Variants in MAP3K13 observed in about 807,000 individuals in gnomAD.
MAP3K13 encodes the protein mitogen-activated protein kinase kinase kinase 13.
In MAP3K13, 52 loss-of-function variants were observed where a neutral mutation model predicts 104.0. That is an observed-to-expected ratio of 0.50 (90% CI 0.40 to 0.63). The LOEUF is 0.63. Among genes scored for constraint, MAP3K13 ranks in the 20% least tolerant of loss-of-function variants. The pLI, the probability that MAP3K13 is intolerant of heterozygous loss-of-function variation, is 0.00. For synonymous variants in MAP3K13, 394 were observed against 442.2 expected (o/e 0.89, Z 1.37); for missense variants, 914 against 1,218.5 (o/e 0.75, Z 3.72).
intron 2 of MAP3K13, among the ~76,000 whole-genome samples, chr3:185,311,766 A>T (rs991993116): frequency 1.3e-5 from 2 of 152,210 alleles, no homozygotes; most frequent in Non-Finnish European, 2.9e-5. Context: ...GTTTTAGAAA[A>T]TATGGTAGTC....
At chr3:185,474,783 TCAGA>T (rs1248787711) in intron 11 of MAP3K13, among the ~76,000 whole-genome samples, 2 of 151,754 alleles carry the variant, frequency 1.3e-5, no homozygotes, top group East Asian at 3.9e-4. Flanking sequence ...AGCCTAGGAG[TCAGA>T]CAGACCTTAC....
intron 2 of MAP3K13, among the ~76,000 whole-genome samples, chr3:185,314,893 G>A (rs1473718378): frequency 6.6e-6 from 1 of 152,030 alleles, no homozygotes; most frequent in African/African-American, 2.4e-5. Flanking sequence ...CTCCCATCTC[G>A]GCCTCCCATA....
At chr3:185,291,554 C>T in intron 2 of MAP3K13, 7 of 1,431,694 alleles carry the variant, frequency 4.9e-6, no homozygotes, top group African/African-American at 1.5e-5. Context: ...TTTTAATTTC[C>T]CTTAAAAAAA....
rs189427333 is a variant in MAP3K13, at chr3:185,368,851, C to T, written c.-86+5483C>T. On this transcript the variant is annotated intron_variant, in intron 1 of 13. Coordinates refer to ENST00000265026, the MANE Select transcript of MAP3K13 (RefSeq NM_004721.5). Reference sequence around the variant, plus strand: ...GTGCATGCCTGTAATCCCAGCTACTCGGGAGGCTGAGGCAGAAGAATCACT... The same window carrying T: ...GTGCATGCCTGTAATCCCAGCTACTTGGGAGGCTGAGGCAGAAGAATCACT... Among the ~76,000 whole-genome samples, 81 of 151,682 alleles carry T rather than the reference C, an allele frequency of 5.3e-4. No homozygotes were observed. In the East Asian group the frequency reaches 0.012, roughly 23 times the overall value.
chr3:185,449,371 TAAAAAAAAAAAAAAA>T (rs61621090), intron 5 of MAP3K13, among the ~76,000 whole-genome samples: 1 of 80,774 alleles, frequency 1.2e-5, no homozygotes, highest in African/African-American at 4.8e-5. Context: ...AGATGCTGTC[TAAAAAAAAAAAAAAA>T]AAAAAAAAGT....
chr3:185,480,241 C>A lies in MAP3K13; in HGVS notation c.2511C>A (p.Arg837=). The A allele has an allele frequency of 6.2e-7, 1 of 1,613,872 alleles. No homozygotes were observed. Among genetic ancestry groups the A allele is most frequent in the Non-Finnish European group, 8.5e-7 (1 of 1,179,900 alleles). Residue 837 remains arginine (R), a synonymous_variant, in exon 13 of 14, where the codon CGC becomes CGA. Coordinates refer to ENST00000265026, the MANE Select transcript of MAP3K13 (RefSeq NM_004721.5). ...TTCTTCTTGGTTCTAGGCCCCATCG[C>A]TGTATCAGCAGCTGCCAGTCATATT... ...VEFPRRQRPH[R]CISSCQSYST... is the part of the protein sequence containing the mutation.
In MAP3K13 at chr3:185,451,347, C is replaced by G. The variant is rs769001923; in HGVS notation, c.1230C>G (p.Ala410=). Residue 410 remains alanine (A), a synonymous_variant, in exon 7 of 14, where the codon GCC becomes GCG. Coordinates refer to ENST00000265026, the MANE Select transcript of MAP3K13 (RefSeq NM_004721.5). ...AGACACTCATGCATTTAGACATTGC[C>G]TCTGCAGATGTACTTGCCACCCCAC... The part of the protein sequence containing the change: ...FRQTLMHLDI[A]SADVLATPQE... The G allele has an allele frequency of 6.2e-6, 10 of 1,613,828 alleles. No individual in the cohort carries two copies. In the Middle Eastern group the frequency reaches 9.9e-4, roughly 160 times the overall value.
intron 2 of MAP3K13, among the ~76,000 whole-genome samples, chr3:185,353,998 G>T (rs1017101199): frequency 1.3e-5 from 2 of 152,106 alleles, no homozygotes; most frequent in Non-Finnish European, 2.9e-5. Flanking sequence ...AGAGCAAACT[G>T]CAGCATTAGA....
At chr3:185,292,082 A>G in intron 2 of MAP3K13, 1 of 780,422 alleles carries the variant, frequency 1.3e-6, no homozygotes, top group Non-Finnish European at 1.6e-6. Flanking sequence ...AGGCAGCTGG[A>G]TGCCCCAAGG....
chr3:185,283,125 G>A (rs571736076), intron 1 of MAP3K13: 4 of 152,998 alleles, frequency 2.6e-5, no homozygotes, highest in African/African-American at 9.6e-5. Flanking sequence ...CACAGGTTAG[G>A]TAATGGACAG....
At chr3:185,322,136 T>C (rs1721893984) in intron 2 of MAP3K13, among the ~76,000 whole-genome samples, 1 of 152,230 alleles carries the variant, frequency 6.6e-6, no homozygotes, top group Non-Finnish European at 1.5e-5. Flanking sequence ...TTTTCCCCTA[T>C]ATAAAGTTGA....
In MAP3K13 at chr3:185,418,852, A is replaced by G; in HGVS notation, c.-85-9645A>G. ...AGGAAAAGCATGTTCTTGTCTTTTC[A>G]TCTGTTTTGGGTTTCAGTTCTCTTA... On this transcript the variant is annotated intron_variant, in intron 1 of 13. Coordinates refer to ENST00000265026, the MANE Select transcript of MAP3K13 (RefSeq NM_004721.5). The surrounding 1 kb of genome is among the most constrained non-coding windows in gnomAD (Gnocchi z 4.5). The G allele has an allele frequency of 6.8e-7, 1 of 1,470,556 alleles. No individual in the cohort carries two copies. Among genetic ancestry groups the G allele is most frequent in the South Asian group, 1.3e-5 (1 of 75,742 alleles). 91.1% of individuals were successfully genotyped at this position (1,470,556 alleles called of 1,614,324 possible). A position where few individuals can be genotyped will look rare whatever the true frequency, so the allele number is the denominator to read the frequency against.
intron 2 of MAP3K13, among the ~76,000 whole-genome samples, chr3:185,330,997 C>T (rs1280781294): frequency 7.2e-5 from 11 of 152,224 alleles, no homozygotes; most frequent in African/African-American, 1.9e-4. Flanking sequence ...ATTCAAATAG[C>T]TCCTCCTCAG....
At chr3:185,329,149 G>A in intron 2 of MAP3K13, 11 of 693,754 alleles carry the variant, frequency 1.6e-5, no homozygotes, top group South Asian at 1.5e-4. Flanking sequence ...AGAAAGCCGT[G>A]AGGTGTATCA....
intron 7 of MAP3K13, among the ~76,000 whole-genome samples, chr3:185,461,591 T>G (rs1717106585): frequency 6.6e-6 from 1 of 152,174 alleles, no homozygotes; most frequent in Non-Finnish European, 1.5e-5. Flanking sequence ...AGATGGAGTT[T>G]CGCTCTTGTT....
rs1292581143 is a variant in MAP3K13, at chr3:185,488,967, T to C, written c.*6511T>C. ...TACCTGGCTCCCCTCTGGTCTCCTGTACTGTCAGTCCCCAGCTCCCAGTGT... is the reference window on the plus strand; with the variant it reads ...TACCTGGCTCCCCTCTGGTCTCCTGCACTGTCAGTCCCCAGCTCCCAGTGT... On this transcript the variant is annotated 3_prime_UTR_variant, in exon 14 of 14. Coordinates refer to ENST00000265026, the MANE Select transcript of MAP3K13 (RefSeq NM_004721.5). The C allele has an allele frequency of 6.6e-6, 1 of 152,272 alleles. No homozygotes were observed. Among genetic ancestry groups the C allele is most frequent in the East Asian group, 1.9e-4 (1 of 5,200 alleles). 9.4% of individuals were successfully genotyped at this position (152,272 alleles called of 1,614,324 possible).
intron 2 of MAP3K13, among the ~76,000 whole-genome samples, chr3:185,325,761 T>C (rs1577426118): frequency 6.6e-6 from 1 of 152,180 alleles, no homozygotes; most frequent in Non-Finnish European, 1.5e-5. Context: ...TCCCATGGCA[T>C]CTCAGTGTAT....
chr3:185,392,885 T>TAA (rs946395124), intron 1 of MAP3K13, among the ~76,000 whole-genome samples: 1 of 150,042 alleles, frequency 6.7e-6, no homozygotes, highest in African/African-American at 2.4e-5. Context: ...CCTGTCTCTA[T>TAA]AAAAAAAAAT....
intron 2 of MAP3K13, among the ~76,000 whole-genome samples, chr3:185,340,890 TGTGA>T (rs1179387301): frequency 6.6e-6 from 1 of 152,190 alleles, no homozygotes; most frequent in East Asian, 1.9e-4. Flanking sequence ...AATGCGGAAC[TGTGA>T]GTCAGTTAAA....
Sources: gnomAD v4.1 joint callset for allele counts (sites outside exome capture counted in the v4.1 genomes callset) on GRCh38, gnomAD v4.1.1 for gene constraint, Gnocchi (gnomAD v3.1) non-coding constraint, MANE v1.5 for transcripts, NCBI Gene and HGNC (gene_info 2026-07-23, HGNC 2026-07-21) for gene names.